The following INTU variants were observed in gnomAD, a reference collection of about 807,000 sequenced individuals.
The protein encoded by INTU is protein inturned.
A neutral mutation model predicts 100.5 loss-of-function variants in INTU; 68 were observed. The observed-to-expected ratio is 0.68, with a 90% CI of 0.56 to 0.83. INTU has a LOEUF of 0.83. INTU is among the 40% of genes least tolerant of loss of function. INTU has a pLI of 0.00. For missense variants in INTU, 1,071 were observed against 1,114.7 expected (o/e 0.96, Z 0.56); for synonymous variants, 357 against 395.7 (o/e 0.90, Z 1.16).
intron 11 of INTU, among the ~76,000 whole-genome samples, chr4:127,706,147 A>C (rs1465946256): frequency 1.3e-5 from 2 of 152,220 alleles, no homozygotes; most frequent in Non-Finnish European, 2.9e-5. Context: ...AGAGGGAGAC[A>C]TGAAAATAAT....
At chr4:127,670,423 G>C (rs887366349) in intron 5 of INTU, among the ~76,000 whole-genome samples, 1 of 151,782 alleles carries the variant, frequency 6.6e-6, no homozygotes. Context: ...TTAACTATGT[G>C]ACTTTAATAT....
At chr4:127,641,941 C>T (rs1416343504) in intron 1 of INTU, among the ~76,000 whole-genome samples, 1 of 152,008 alleles carries the variant, frequency 6.6e-6, no homozygotes, top group Non-Finnish European at 1.5e-5. Flanking sequence ...TTATATATCT[C>T]TAATACAAAT....
intron 14 of INTU, among the ~76,000 whole-genome samples, chr4:127,712,787 A>G (rs1731138481): frequency 6.6e-6 from 1 of 152,202 alleles, no homozygotes; most frequent in Admixed American, 6.5e-5. Flanking sequence ...AGCAAATGCA[A>G]AGCTGCAGAG....
chr4:127,680,056 A>G (rs1416799709), intron 6 of INTU, among the ~76,000 whole-genome samples: 3 of 152,242 alleles, frequency 2.0e-5, no homozygotes, highest in African/African-American at 7.2e-5. Context: ...TAAACCAGGA[A>G]GAAGTTGACT....
At chr4:127,655,488 G>A (rs563197889) in intron 2 of INTU, among the ~76,000 whole-genome samples, 22 of 151,198 alleles carry the variant, frequency 1.5e-4, no homozygotes, top group Admixed American at 6.6e-4. Context: ...TGCCGTGTGA[G>A]GTGTCAGTGT....
At chr4:127,656,568 T>A (rs1401515559) in intron 2 of INTU, 68 bp from the exon 3 acceptor site, 1 of 1,127,668 alleles carries the variant, frequency 8.9e-7, no homozygotes, top group Non-Finnish European at 1.3e-6. Context: ...TGTTTAATGT[T>A]CCAATTCTAG....
At chr4:127,688,817 A>G (rs1729954623) in intron 8 of INTU, among the ~76,000 whole-genome samples, 1 of 152,098 alleles carries the variant, frequency 6.6e-6, no homozygotes, top group Non-Finnish European at 1.5e-5. Context: ...TACAATTACT[A>G]TTTGAAAGGA....
intron 5 of INTU, among the ~76,000 whole-genome samples, chr4:127,672,555 G>T (rs77593744): frequency 6.7e-6 from 1 of 150,170 alleles, no homozygotes. Context: ...TTAACCATGA[G>T]ATATGGGTTA....
intron 10 of INTU, among the ~76,000 whole-genome samples, chr4:127,705,296 T>G (rs1730830432): frequency 6.6e-6 from 1 of 152,146 alleles, no homozygotes; most frequent in South Asian, 2.1e-4. Flanking sequence ...CTTCTTGACT[T>G]TCCATTCTCA....
At chr4:127,646,914 T>G (rs189731966) in intron 2 of INTU, among the ~76,000 whole-genome samples, 1 of 152,224 alleles carries the variant, frequency 6.6e-6, no homozygotes, top group Non-Finnish European at 1.5e-5. Context: ...TAGTAACTGC[T>G]TTTCAAAAAC....
At position 127,700,009 on chromosome 4, in the gene INTU, G is replaced by A; in HGVS notation, c.1450-1G>A. ...TTACTCTTTTTTTTTTTTTAACATA[G>A]ATGGAATTAGACATGGCATTAAGTG... On this transcript the variant is annotated splice_acceptor_variant, in intron 8 of 15. Transcript: ENST00000335251. LOFTEE classifies it high-confidence loss of function. The A allele has an allele frequency of 6.4e-7, 1 of 1,554,868 alleles. No individual in the cohort carries two copies. Among genetic ancestry groups the A allele is most frequent in the Non-Finnish European group, 8.7e-7 (1 of 1,151,116 alleles).
At chr4:127,708,381 C>T (rs1578635934) in intron 12 of INTU, among the ~76,000 whole-genome samples, 190 bp from the exon 13 acceptor site, 1 of 152,154 alleles carries the variant, frequency 6.6e-6, no homozygotes, top group Middle Eastern at 3.4e-3. Context: ...TCATGCCCTC[C>T]CAGGACATGA....
At chr4:127,714,971 A>G (rs1731217885) in intron 15 of INTU, among the ~76,000 whole-genome samples, 1 of 152,156 alleles carries the variant, frequency 6.6e-6, no homozygotes, top group African/African-American at 2.4e-5. Flanking sequence ...TATATCTAGC[A>G]GAAGAATTAT....
At chr4:127,667,402 C>T (rs1224960905) in intron 4 of INTU, among the ~76,000 whole-genome samples, 1 of 152,072 alleles carries the variant, frequency 6.6e-6, no homozygotes, top group Non-Finnish European at 1.5e-5. Flanking sequence ...AATAGTGAGG[C>T]TTTTATGACT....
chr4:127,689,663 C>CAGGAA (rs1290317956), intron 8 of INTU, among the ~76,000 whole-genome samples: 2 of 145,374 alleles, frequency 1.4e-5, no homozygotes, highest in Non-Finnish European at 3.0e-5. Context: ...GACCCTATCT[C>CAGGAA]AGGAAAGGAA....
chr4:127,641,112 CTTTA>C (rs1727313111), intron 1 of INTU, among the ~76,000 whole-genome samples: 3 of 151,924 alleles, frequency 2.0e-5, no homozygotes. Flanking sequence ...TCTACTATTG[CTTTA>C]TTTGTCATTT....
intron 2 of INTU, among the ~76,000 whole-genome samples, chr4:127,654,123 C>T (rs1169858232): frequency 7.3e-5 from 11 of 150,836 alleles, no homozygotes; most frequent in South Asian, 4.2e-4. Flanking sequence ...TGTCTCTGCA[C>T]GTGAGATGGG....
chr4:127,681,087 T>C (rs1729518427), intron 6 of INTU, among the ~76,000 whole-genome samples: 1 of 151,896 alleles, frequency 6.6e-6, no homozygotes, highest in African/African-American at 2.4e-5. Flanking sequence ...AAACCACTGC[T>C]CAATGAAATA....
At position 127,716,481 on chromosome 4, in the gene INTU, C is replaced by A; in HGVS notation, c.*45C>A. The A allele has an allele frequency of 1.2e-6, 1 of 850,586 alleles. No individual in the cohort carries two copies. Among genetic ancestry groups the A allele is most frequent in the Non-Finnish European group, 1.8e-6 (1 of 552,346 alleles). 52.7% of individuals were successfully genotyped at this position (850,586 alleles called of 1,614,324 possible). On this transcript the variant is annotated 3_prime_UTR_variant, in exon 16 of 16. Coordinates refer to ENST00000335251, the MANE Select transcript of INTU (RefSeq NM_015693.4). Reference sequence around the variant, plus strand: ...AGAAACACGTGCATGGAGGATCAAACACTGTCAGAATTGCTGAAATCAATA... The same window carrying A: ...AGAAACACGTGCATGGAGGATCAAAAACTGTCAGAATTGCTGAAATCAATA...
Sources: allele counts gnomAD v4.1 joint callset (sites outside exome capture counted in the v4.1 genomes callset), GRCh38; gene constraint gnomAD v4.1.1; transcripts MANE v1.5; gene names NCBI Gene and HGNC (gene_info 2026-07-23, HGNC 2026-07-21).